Variants in PAG1 observed in about 807,000 individuals in gnomAD.
PAG1 encodes the protein phosphoprotein membrane anchor with glycosphingolipid microdomains 1.
A neutral mutation model predicts 31.7 loss-of-function variants in PAG1; 23 were observed. The observed-to-expected ratio is 0.73, with a 90% confidence interval of 0.52 to 1.03. The LOEUF (loss-of-function observed/expected upper bound fraction) is 1.03, where lower values mean the gene tolerates loss of function less well. PAG1 is among the 50% of genes least tolerant of loss of function. PAG1 has a pLI of 0.00. For synonymous variants in PAG1, 214 were observed against 210.3 expected, an observed-to-expected ratio of 1.02 and a Z score of -0.15; for missense variants, 473 against 540.7, an observed-to-expected ratio of 0.87 and a Z score of 1.24.
intron 3 of PAG1, among the ~76,000 whole-genome samples, chr8:81,027,904 C>CAAAAAAAA (rs35780204): frequency 1.3e-4 from 7 of 52,770 alleles, no homozygotes; most frequent in East Asian, 6.4e-4. Context: ...GACTCCGTCT[C>CAAAAAAAA]AAAAAAAAAA....
intron 8 of PAG1, among the ~76,000 whole-genome samples, chr8:80,978,875 A>G (rs1407152136): frequency 6.6e-6 from 1 of 152,060 alleles, no homozygotes; most frequent in African/African-American, 2.4e-5. Context: ...TCTCTTTAAA[A>G]CTTTCATCAT....
At chr8:81,012,579 T>C (rs1356671045) in intron 3 of PAG1, among the ~76,000 whole-genome samples, 1 of 152,246 alleles carries the variant, frequency 6.6e-6, no homozygotes, top group Non-Finnish European at 1.5e-5. Flanking sequence ...TTCAAAAACA[T>C]ACTTAAAGAA....
At chr8:81,003,037 C>T (rs185506154) in intron 3 of PAG1, among the ~76,000 whole-genome samples, 2 of 152,192 alleles carry the variant, frequency 1.3e-5, no homozygotes. Context: ...TGGAACTTCC[C>T]CAAGGGTGGT....
intron 2 of PAG1, among the ~76,000 whole-genome samples, chr8:81,069,339 T>C (rs1809057855): frequency 6.6e-6 from 1 of 152,224 alleles, no homozygotes; most frequent in Non-Finnish European, 1.5e-5. Flanking sequence ...TTCCAGGCCA[T>C]ACAGGCATTG....
At chr8:81,019,033 T>C (rs1259982135) in intron 3 of PAG1, among the ~76,000 whole-genome samples, 1 of 152,200 alleles carries the variant, frequency 6.6e-6, no homozygotes, top group Non-Finnish European at 1.5e-5. Context: ...TGGTCTCAGA[T>C]GGAAATGGCA....
intron 2 of PAG1, among the ~76,000 whole-genome samples, chr8:81,043,260 T>C (rs1430089682): frequency 6.6e-6 from 1 of 152,190 alleles, no homozygotes; most frequent in Non-Finnish European, 1.5e-5. Context: ...GTATACTGCA[T>C]GCTTACTGAA....
At chr8:81,034,927 A>AGCCT (rs1298572239) in intron 2 of PAG1, among the ~76,000 whole-genome samples, 1 of 152,172 alleles carries the variant, frequency 6.6e-6, no homozygotes, top group African/African-American at 2.4e-5. Context: ...AGAGTAGAAG[A>AGCCT]GCCTGCTGCA....
chr8:80,995,725 T>C (rs759975171), intron 3 of PAG1, among the ~76,000 whole-genome samples: 3 of 152,248 alleles, frequency 2.0e-5, no homozygotes, highest in Non-Finnish European at 4.4e-5. Context: ...CTGTGTGAGT[T>C]ATTCAAAAGC....
chr8:81,046,831 C>T (rs936935944), intron 2 of PAG1, among the ~76,000 whole-genome samples: 2 of 152,108 alleles, frequency 1.3e-5, no homozygotes, highest in African/African-American at 4.8e-5. Flanking sequence ...CTTCGTGATG[C>T]TCTCCCTCCT....
Position 81,091,836 on chromosome 8 carries a change from AG to A in PAG1, c.-234+19754del, listed in dbSNP as rs1414124553. 8.1e-3 allele frequency among the ~76,000 whole-genome samples: 1,239 copies of A among 152,054 alleles called. 19 individuals carry two copies. Among genetic ancestry groups the A allele is most frequent in the African/African-American group, 0.028 (1,179 of 41,448 alleles). ...ACAGGATGAAGAAAGAAGAAGAAGA[AG>A]AAGAAGAAAAAAAAACACCCTGTCC... On this transcript the variant is annotated intron_variant, in intron 1 of 8. Transcript: ENST00000220597.
At chr8:81,026,942 A>T (rs1808291510) in intron 3 of PAG1, among the ~76,000 whole-genome samples, 1 of 152,234 alleles carries the variant, frequency 6.6e-6, no homozygotes, top group African/African-American at 2.4e-5. Flanking sequence ...AAGGGAGTTT[A>T]TTCAAGCCTT....
chr8:80,999,470 ATG>A (rs1807745432), intron 3 of PAG1, among the ~76,000 whole-genome samples: 1 of 152,188 alleles, frequency 6.6e-6, no homozygotes, highest in South Asian at 2.1e-4. Flanking sequence ...CAGTTTAAGA[ATG>A]AGTGTAGATG....
At chr8:81,088,612 T>C (rs182342422) in intron 1 of PAG1, among the ~76,000 whole-genome samples, 9 of 152,112 alleles carry the variant, frequency 5.9e-5, no homozygotes, top group African/African-American at 2.2e-4. Context: ...ATCTAGAAAA[T>C]AGTGGGAAAG....
intron 1 of PAG1, among the ~76,000 whole-genome samples, chr8:81,105,624 C>T (rs1443032360): frequency 6.6e-6 from 1 of 152,164 alleles, no homozygotes; most frequent in African/African-American, 2.4e-5. Context: ...TGACTTAGAA[C>T]ATGAGCTCCC....
rs971324541 is a variant in PAG1 at position 80,991,482 on chromosome 8, G to A, written c.174C>T (p.Asn58=). 4.3e-6 allele frequency: 7 copies of A among 1,612,384 alleles called. No homozygotes were observed. In the African/African-American group the frequency reaches 5.3e-5, roughly 12 times the overall value. ...CAGACGACACGCGCAGGCTCACCACGTTCATCAGGTTCTCATGGTCCCCAC... is the reference window on the plus strand; with the variant it reads ...CAGACGACACGCGCAGGCTCACCACATTCATCAGGTTCTCATGGTCCCCAC... The part of the protein sequence containing the change: ...QHSGDHENLM[N]VPSDKEMFSR... The change falls in exon 5 of 9, where the codon AAC becomes AAT. Residue 58 remains asparagine, a synonymous_variant. Transcript: ENST00000220597.
chr8:81,042,941 T>G (rs572061013), intron 2 of PAG1, among the ~76,000 whole-genome samples: 1 of 152,350 alleles, frequency 6.6e-6, no homozygotes, highest in Non-Finnish European at 1.5e-5. Flanking sequence ...TCCATTCTTA[T>G]GCTGATGGGC....
At chr8:80,997,913 A>G (rs1278874304) in intron 3 of PAG1, among the ~76,000 whole-genome samples, 1 of 152,190 alleles carries the variant, frequency 6.6e-6, no homozygotes, top group Non-Finnish European at 1.5e-5. Context: ...ATAATTTCGA[A>G]CTACTGTGAG....
At chr8:81,084,925 T>A (rs1809327221) in intron 1 of PAG1, among the ~76,000 whole-genome samples, 1 of 152,244 alleles carries the variant, frequency 6.6e-6, no homozygotes, top group Non-Finnish European at 1.5e-5. Context: ...AAGTCCGTTT[T>A]CTTTTTTTAC....
intron 1 of PAG1, among the ~76,000 whole-genome samples, chr8:81,079,768 T>C (rs1434371098): frequency 6.6e-6 from 1 of 151,858 alleles, no homozygotes; most frequent in Non-Finnish European, 1.5e-5. Context: ...ATTTATTTCA[T>C]TTATTTATTT....
Sources: gnomAD v4.1 joint callset for allele counts (sites outside exome capture counted in the v4.1 genomes callset) on GRCh38, gnomAD v4.1.1 for gene constraint, MANE v1.5 for transcripts, NCBI Gene and HGNC (gene_info 2026-07-23, HGNC 2026-07-21) for gene names.